ATAD2B: variants seen among roughly 807,000 people sequenced by gnomAD.
ATAD2B encodes ATPase family AAA domain-containing protein 2B.
A neutral mutation model predicts 167.6 loss-of-function variants in ATAD2B; 40 were observed. The ratio of observed to expected loss-of-function variants is 0.24; its 90% CI spans 0.19 to 0.31. The LOEUF is 0.31. Among genes scored for constraint, ATAD2B ranks in the 10% least tolerant of loss-of-function variants. The pLI, the probability that ATAD2B is intolerant of heterozygous loss-of-function variation, is 1.00. For missense variants in ATAD2B, 1,242 were observed against 1,757.2 expected, an observed-to-expected ratio of 0.71 and a Z score of 5.24; for synonymous variants, 579 against 596.5, an observed-to-expected ratio of 0.97 and a Z score of 0.43.
downstream of ATAD2B, among the ~76,000 whole-genome samples, chr2:23,746,637 T>C (rs1290045172): frequency 2.0e-5 from 3 of 152,072 alleles, no homozygotes; most frequent in South Asian, 2.1e-4. Context: ...GAAAGGGTGA[T>C]AGGTATGAGA....
At chr2:23,706,508 T>C in the ATAD2B span, 8 of 1,533,026 alleles carry the variant, frequency 5.2e-6, no homozygotes, top group Non-Finnish European at 7.0e-6. Flanking sequence ...GCAAGATTTA[T>C]GCAACTGGAG....
rs150446002 is a variant in ATAD2B at position 23,803,313 on chromosome 2, TACACACACAC to T, written c.2455-5000_2455-4991del. Among the ~76,000 whole-genome samples, 10 of 149,390 alleles carry T rather than the reference TACACACACAC, an allele frequency of 6.7e-5. No individual in the cohort carries two copies. In the South Asian group the frequency reaches 1.7e-3, roughly 25 times the overall value. On this transcript the variant is annotated intron_variant, in intron 18 of 27. Coordinates refer to ENST00000238789, the MANE Select transcript of ATAD2B (RefSeq NM_017552.4). ...TGAAATGCTCAGTAACATATGTGTG[TACACACACAC>T]ACACACACACACACACGCGCACGCA...
In ATAD2B at chr2:23,827,063, C is replaced by T. The variant is rs569712215; in HGVS notation, c.1819+1786G>A. 2.6e-5 allele frequency among the ~76,000 whole-genome samples: 4 copies of T among 151,866 alleles called. No homozygotes were observed. In the South Asian group the frequency reaches 8.3e-4, roughly 32 times the overall value. On this transcript the variant is annotated intron_variant, in intron 15 of 27. Coordinates refer to ENST00000238789, the MANE Select transcript of ATAD2B (RefSeq NM_017552.4). The stretch of plus-strand genomic sequence containing the variant: ...GGATTTAAAATTACTATTTCACGCC[C>T]GTTTGAAGATCTGAATTTGATTTTT...
chr2:23,875,144 A>G (rs532534153), intron 8 of ATAD2B, among the ~76,000 whole-genome samples: 176 of 152,158 alleles, frequency 1.2e-3, no homozygotes, highest in African/African-American at 3.9e-3. Flanking sequence ...TGGGTCATTT[A>G]GATTCAACTC....
At chr2:23,696,221 C>T in the ATAD2B span, 1 of 1,491,366 alleles carries the variant, frequency 6.7e-7, no homozygotes, top group Non-Finnish European at 9.1e-7. This position sits in a 1 kb window ranked among gnomAD's most constrained non-coding sequence, Gnocchi z 5.5. Flanking sequence ...GGCCATGGCC[C>T]AGAAGTGTCT....
the ATAD2B span, among the ~76,000 whole-genome samples, chr2:23,718,558 T>C: frequency 6.6e-6 from 1 of 152,216 alleles, no homozygotes; most frequent in Admixed American, 6.5e-5. Flanking sequence ...AACTATGATG[T>C]AGGCCACCAC....
At chr2:23,853,627 TC>T (rs768949630) in intron 13 of ATAD2B, among the ~76,000 whole-genome samples, 1 of 152,222 alleles carries the variant, frequency 6.6e-6, no homozygotes, top group Non-Finnish European at 1.5e-5. Flanking sequence ...ATGCAATTCT[TC>T]CCAAATAGAT....
intron 1 of ATAD2B, among the ~76,000 whole-genome samples, chr2:23,914,293 T>A (rs540372978): frequency 1.6e-4 from 24 of 152,212 alleles, no homozygotes; most frequent in African/African-American, 5.3e-4. Flanking sequence ...AGTCACAATG[T>A]AAACAGTATC....
At chr2:23,706,588 CCCT>C in the ATAD2B span, 1 of 1,537,122 alleles carries the variant, frequency 6.5e-7, no homozygotes, top group African/African-American at 1.4e-5. Context: ...AACACATGGA[CCCT>C]CCTCCCCCAC....
At chr2:23,719,582 A>C in the ATAD2B span, among the ~76,000 whole-genome samples, 1 of 152,092 alleles carries the variant, frequency 6.6e-6, no homozygotes, top group Non-Finnish European at 1.5e-5. Context: ...AAAACCTCCA[A>C]GCAGATGGTA....
chr2:23,749,851 CAT>C lies in ATAD2B; in HGVS notation c.*2193_*2194del, dbSNP rs772841645. ...ACAAATTTAGTAACCTACTAAGAAA[CAT>C]GTGCATTTTTTTTTCCTTTCACAAG... On this transcript the variant is annotated 3_prime_UTR_variant, in exon 28 of 28. Transcript: ENST00000238789. 2 of 151,890 alleles carry C rather than the reference CAT, an allele frequency of 1.3e-5. No homozygotes were observed. The highest frequency in any genetic ancestry group is 2.4e-5 in the African/African-American group (1 of 41,374). 9.4% of individuals were successfully genotyped at this position (151,890 alleles called of 1,614,324 possible). A position where few individuals can be genotyped will look rare whatever the true frequency, so the allele number is the denominator to read the frequency against.
intron 8 of ATAD2B, among the ~76,000 whole-genome samples, chr2:23,871,792 AC>A (rs200851411): frequency 0.011 from 1,654 of 151,682 alleles, 12 homozygotes; most frequent in South Asian, 0.018. Flanking sequence ...TCCTTAACCC[AC>A]CTCCTACTCC....
the ATAD2B span, among the ~76,000 whole-genome samples, chr2:23,724,500 C>T: frequency 3.4e-3 from 512 of 152,096 alleles, 3 homozygotes; most frequent in African/African-American, 0.012. Context: ...GCCTCAGAGA[C>T]CTTCAAGACA....
Position 23,823,920 on chromosome 2 carries a change from CT to C in ATAD2B, c.1820-352del, listed in dbSNP as rs869117334. On this transcript the variant is annotated intron_variant, in intron 15 of 27. Coordinates refer to ENST00000238789, the MANE Select transcript of ATAD2B (RefSeq NM_017552.4). ...GTGATTAACTGATTACAATGTACAA[CT>C]TTTTTTTTTTTTTAAGAGACAGGGT... is the stretch of plus-strand genomic sequence containing the variant. Among the ~76,000 whole-genome samples the C allele has an allele frequency of 8.7e-3, 1,247 of 144,056 alleles. 5 individuals carry two copies. The highest frequency in any genetic ancestry group is 0.017 in the African/African-American group (692 of 39,580). 94.5% of individuals were successfully genotyped at this position (144,056 alleles called of 152,430 possible). A position where few individuals can be genotyped will look rare whatever the true frequency, so the allele number is the denominator to read the frequency against.
chr2:23,899,633 C>T (rs978022188), intron 1 of ATAD2B, among the ~76,000 whole-genome samples: 7 of 152,172 alleles, frequency 4.6e-5, no homozygotes, highest in African/African-American at 9.6e-5. Flanking sequence ...CTCTCTCACC[C>T]AAGCTGGAGT....
chr2:23,828,797 G>A (rs980930338), intron 15 of ATAD2B, 52 bp downstream of exon 15: 3 of 1,156,204 alleles, frequency 2.6e-6, no homozygotes, highest in African/African-American at 3.1e-5. Context: ...GGGAAAGGGA[G>A]GTTGAGCAGA....
rs372201836 is a variant in ATAD2B, at chr2:23,782,853, C to T, written c.3133+16G>A. On this transcript the variant is annotated intron_variant, in intron 22 of 27. Transcript: ENST00000238789. ...TGATTGATTATCAAGGGGAACCTTG[C>T]CCTATGCATCCTTACCTCCTGGGTC... 1.9e-6 allele frequency: 3 copies of T among 1,596,986 alleles called. No individual in the cohort carries two copies. Among genetic ancestry groups the T allele is most frequent in the South Asian group, 2.3e-5 (2 of 88,770 alleles).
chr2:23,812,179 C>T lies in ATAD2B; in HGVS notation c.2268-1677G>A, dbSNP rs187364692. On this transcript the variant is annotated intron_variant, in intron 17 of 27. Coordinates refer to ENST00000238789, the MANE Select transcript of ATAD2B (RefSeq NM_017552.4). ...GGATATCATTATGTAGTAGCAAATC[C>T]AAGAAATCAACCAAAAACTGTCAGA... 7.3e-5 allele frequency among the ~76,000 whole-genome samples: 11 copies of T among 150,698 alleles called. No individual in the cohort carries two copies. In the East Asian group the frequency reaches 1.9e-3, roughly 26 times the overall value.
chr2:23,738,322 G>A, the ATAD2B span, among the ~76,000 whole-genome samples: 3 of 152,174 alleles, frequency 2.0e-5, no homozygotes, highest in Non-Finnish European at 4.4e-5. Flanking sequence ...ACCCACAAAG[G>A]GAAGCCCATC....
Sources: allele counts gnomAD v4.1 joint callset (sites outside exome capture counted in the v4.1 genomes callset), GRCh38; gene constraint gnomAD v4.1.1; non-coding constraint Gnocchi (gnomAD v3.1); transcripts MANE v1.5; gene names NCBI Gene and HGNC (gene_info 2026-07-23, HGNC 2026-07-21).